The following OGFOD1 variants were observed in gnomAD, a reference collection of about 807,000 sequenced individuals.
OGFOD1 encodes the protein 2-oxoglutarate and iron dependent oxygenase domain containing 1.
In OGFOD1, 54 loss-of-function variants were observed where a neutral mutation model predicts 67.7. The observed-to-expected ratio is 0.80, with a 90% confidence interval of 0.64 to 1.00. The LOEUF is 1.00. Ranked by LOEUF, OGFOD1 falls within the 50% of genes least tolerant of loss-of-function variation. OGFOD1 has a pLI of 0.00. For missense variants in OGFOD1, 606 were observed against 646.7 expected (o/e 0.94, Z 0.68); for synonymous variants, 221 against 227.0 (o/e 0.97, Z 0.24).
intron 4 of OGFOD1, chr16:56,465,880 G>A (rs771155078): frequency 1.7e-5 from 5 of 301,526 alleles, no homozygotes; most frequent in African/African-American, 4.4e-5. Context: ...CATATATGTA[G>A]GAAAAATACT....
chr16:56,460,721 T>G (rs188058006), intron 3 of OGFOD1, among the ~76,000 whole-genome samples: 1 of 152,370 alleles, frequency 6.6e-6, no homozygotes, highest in East Asian at 1.9e-4. Context: ...CCTGGAGATT[T>G]GATACTTAGT....
rs1308181915 is a variant in OGFOD1, at chr16:56,466,188, G to A, written c.485G>A (p.Arg162His). The A allele has an allele frequency of 2.4e-5, 39 of 1,613,960 alleles. No homozygotes were observed. Among genetic ancestry groups the A allele is most frequent in the East Asian group, 6.7e-5 (3 of 44,896 alleles). ...LLCHDDELEG[R>H]RIAFILYLVP... ...TGCCATGATGATGAGCTGGAAGGGC[G>A]CCGGATTGCCTTCATCCTGTACCTG... Residue 162 changes from arginine (R) to histidine (H), a missense_variant, in exon 5 of 13, where the codon CGC (arginine) becomes CAC (histidine). Physicochemically the swap from Arg to His is conservative, Grantham distance 29. Transcript: ENST00000566157.
At chr16:56,462,699 A>T (rs1340923243) in intron 4 of OGFOD1, 65 bp downstream of exon 4, 4 of 953,652 alleles carry the variant, frequency 4.2e-6, no homozygotes, top group Non-Finnish European at 6.7e-6. Flanking sequence ...TAATGGAGAG[A>T]TGGTATCTGT....
intron 7 of OGFOD1, among the ~76,000 whole-genome samples, chr16:56,467,527 A>C (rs1962955586): frequency 6.6e-6 from 1 of 151,344 alleles, no homozygotes; most frequent in South Asian, 2.1e-4. Context: ...CCTGGGTTCA[A>C]GCGATTCTCC....
chr16:56,460,660 T>C (rs1380184906), intron 3 of OGFOD1, among the ~76,000 whole-genome samples: 2 of 152,208 alleles, frequency 1.3e-5, no homozygotes, highest in Non-Finnish European at 2.9e-5. Context: ...TTTTTGGTTT[T>C]GATAGTGTAT....
At chr16:56,452,025 A>G (rs1962355425) in intron 1 of OGFOD1, 6 of 417,668 alleles carry the variant, frequency 1.4e-5, no homozygotes, top group African/African-American at 2.0e-5. Flanking sequence ...AGATAGTTGC[A>G]TTCTGGAGTC....
At chr16:56,468,898 A>G (rs1387045863) in intron 8 of OGFOD1, among the ~76,000 whole-genome samples, 1 of 152,160 alleles carries the variant, frequency 6.6e-6, no homozygotes, top group Non-Finnish European at 1.5e-5. Flanking sequence ...CAATAAGATA[A>G]CTTTTGCTGG....
At chr16:56,454,137 C>G (rs1596963711) in intron 2 of OGFOD1, among the ~76,000 whole-genome samples, 1 of 152,078 alleles carries the variant, frequency 6.6e-6, no homozygotes, top group Non-Finnish European at 1.5e-5. Flanking sequence ...CGCCTGAGGT[C>G]AGGAGTTCGA....
At chr16:56,468,660 AG>A (rs1963007645) in intron 8 of OGFOD1, among the ~76,000 whole-genome samples, 1 of 151,276 alleles carries the variant, frequency 6.6e-6, no homozygotes, top group Non-Finnish European at 1.5e-5. Context: ...TGGGATGCAG[AG>A]GTTGCAGTGA....
chr16:56,474,637 A>G (rs1181877609), intron 10 of OGFOD1, among the ~76,000 whole-genome samples, 191 bp from the exon 11 acceptor site: 1 of 151,976 alleles, frequency 6.6e-6, no homozygotes, highest in African/African-American at 2.4e-5. Context: ...CAACTTTTTT[A>G]CCCCAAAATA....
rs1174080614 is a variant in OGFOD1 at position 56,451,602 on chromosome 16, CT to C, written c.-9del. 1 of 1,613,120 alleles carries C rather than the reference CT, an allele frequency of 6.2e-7. No individual in the cohort carries two copies. The highest frequency in any genetic ancestry group is 1.3e-5 in the African/African-American group (1 of 74,916). On this transcript the variant is annotated 5_prime_UTR_variant, in exon 1 of 13. Coordinates refer to ENST00000566157, the MANE Select transcript of OGFOD1 (RefSeq NM_018233.4). Reference sequence around the variant, plus strand: ...TGATCTGCGTGGCGTGGTTCTGTGCCTTGGGAAGAGATGAATGGGAAGCGGC... The same window carrying C: ...TGATCTGCGTGGCGTGGTTCTGTGCCTGGGAAGAGATGAATGGGAAGCGGC...
At chr16:56,454,119 G>A (rs566196127) in intron 2 of OGFOD1, among the ~76,000 whole-genome samples, 6 of 152,266 alleles carry the variant, frequency 3.9e-5, no homozygotes, top group East Asian at 3.9e-4. Flanking sequence ...AGGCCAAGGC[G>A]GGTAGATCGC....
At chr16:56,461,124 C>T (rs1467231434) in intron 3 of OGFOD1, among the ~76,000 whole-genome samples, 3 of 152,192 alleles carry the variant, frequency 2.0e-5, no homozygotes, top group African/African-American at 4.8e-5. Context: ...CATTAAATGG[C>T]GGTACCAGTA....
Position 56,477,763 on chromosome 16 carries a change from A to G in OGFOD1, c.*1558A>G, listed in dbSNP as rs1174493181. On this transcript the variant is annotated 3_prime_UTR_variant, in exon 13 of 13. Transcript: ENST00000566157. ...TACATTTATTTTTAGCTTTTGCAGT[A>G]GTGTTTAGTGTGGGTTTTACTAATT... The G allele has an allele frequency of 2.0e-5, 3 of 152,236 alleles. No individual in the cohort carries two copies. Among genetic ancestry groups the G allele is most frequent in the African/African-American group, 7.2e-5 (3 of 41,534 alleles). The allele number at this position is 152,236 out of a possible 1,614,324, so 9.4% of individuals were successfully genotyped here.
At chr16:56,463,959 C>G (rs1567548908) in intron 4 of OGFOD1, among the ~76,000 whole-genome samples, 2 of 152,094 alleles carry the variant, frequency 1.3e-5, no homozygotes, top group South Asian at 4.1e-4. Flanking sequence ...ATCTAATCCT[C>G]AGGCTCCATT....
rs145169317 is a variant in OGFOD1, at chr16:56,466,889, G to C, written c.579G>C (p.Pro193=). 8 of 1,612,870 alleles carry C rather than the reference G, an allele frequency of 5.0e-6. No individual in the cohort carries two copies. The African/African-American group carries it at 1.1e-4, about 22-fold the overall frequency. The change falls in exon 6 of 13, where the codon CCG becomes CCC. Residue 193 remains proline, a synonymous_variant. Coordinates refer to ENST00000566157, the MANE Select transcript of OGFOD1 (RefSeq NM_018233.4). ...DLYSIDEHFQ[P]KQIVKSLIPS... ...TTCCTGGTGCAGAACACTTTCAGCC[G>C]AAGCAGATTGTCAAGTCTCTTATCC...
At chr16:56,465,851 A>G (rs1596975764) in intron 4 of OGFOD1, 1 of 249,450 alleles carries the variant, frequency 4.0e-6, no homozygotes, top group Non-Finnish European at 7.9e-6. Context: ...GTCGGATGCT[A>G]TTTTTTTTAA....
chr16:56,464,228 C>G (rs1051196241), intron 4 of OGFOD1, among the ~76,000 whole-genome samples: 1 of 152,074 alleles, frequency 6.6e-6, no homozygotes, highest in Admixed American at 6.6e-5. Context: ...GAAATTAATC[C>G]TGTATTCTTT....
At chr16:56,470,996 A>C (rs1268008117) in intron 10 of OGFOD1, among the ~76,000 whole-genome samples, 1 of 152,176 alleles carries the variant, frequency 6.6e-6, no homozygotes, top group Non-Finnish European at 1.5e-5. Flanking sequence ...CATGAACAAC[A>C]AGAAAACGTC....
Sources: allele counts gnomAD v4.1 joint callset (sites outside exome capture counted in the v4.1 genomes callset), GRCh38; gene constraint gnomAD v4.1.1; transcripts MANE v1.5; gene names NCBI Gene and HGNC (gene_info 2026-07-23, HGNC 2026-07-21).